The following ERG variants were observed in gnomAD, a reference collection of about 807,000 sequenced individuals.
ERG encodes the protein transcriptional regulator ERG.
ERG carries 9 observed loss-of-function variants against 55.3 expected under a neutral mutation model. That is an observed-to-expected ratio of 0.16 (90% CI 0.10 to 0.28). The LOEUF (loss-of-function observed/expected upper bound fraction) is 0.28. Among genes scored for constraint, ERG ranks in the 10% least tolerant of loss-of-function variants. The probability of loss-of-function intolerance (pLI) is 1.00; values close to 1 mark genes in which losing one functional copy is unlikely to be tolerated. For synonymous variants in ERG, 223 were observed against 237.3 expected (o/e 0.94, Z 0.55); for missense variants, 434 against 631.6 (o/e 0.69, Z 3.35).
chr21:38,514,595 A>G (rs2059537931), intron 2 of ERG, among the ~76,000 whole-genome samples: 1 of 152,004 alleles, frequency 6.6e-6, no homozygotes, highest in African/African-American at 2.4e-5. Flanking sequence ...TATAAATCCT[A>G]CAAATTGATA....
intron 3 of ERG, among the ~76,000 whole-genome samples, chr21:38,406,919 G>C (rs1988800890): frequency 6.6e-6 from 1 of 152,108 alleles, no homozygotes; most frequent in Non-Finnish European, 1.5e-5. Flanking sequence ...TCAGGTGCAA[G>C]ACCCCAGAGA....
intron 1 of ERG, among the ~76,000 whole-genome samples, chr21:38,462,264 T>C (rs1008556704): frequency 6.6e-6 from 1 of 152,246 alleles, no homozygotes; most frequent in Non-Finnish European, 1.5e-5. Context: ...ATTACAGTCA[T>C]GAGCCACTGC....
intron 1 of ERG, among the ~76,000 whole-genome samples, chr21:38,656,975 C>T (rs1540015): frequency 0.82 from 124,368 of 152,036 alleles, 51,329 homozygotes; most frequent in African/African-American, 0.94. Flanking sequence ...AAAGCAGGTA[C>T]AAAAATCTCA....
At chr21:38,564,423 T>C (rs1450566075) in intron 2 of ERG, among the ~76,000 whole-genome samples, 1 of 152,046 alleles carries the variant, frequency 6.6e-6, no homozygotes, top group Non-Finnish European at 1.5e-5. Flanking sequence ...AATTAATAGG[T>C]AGAATAATCA....
At chr21:38,609,967 A>T (rs1030473570) in intron 1 of ERG, among the ~76,000 whole-genome samples, 9 of 152,224 alleles carry the variant, frequency 5.9e-5, no homozygotes, top group African/African-American at 2.2e-4. Flanking sequence ...AAATAAATAG[A>T]ATTAAAGGAG....
intron 2 of ERG, among the ~76,000 whole-genome samples, chr21:38,564,950 A>G (rs1255661908): frequency 2.0e-5 from 3 of 152,118 alleles, no homozygotes; most frequent in South Asian, 2.1e-4. Flanking sequence ...CAACCTCTCA[A>G]CATCACAATT....
chr21:38,582,319 G>A (rs2060035314), intron 1 of ERG, among the ~76,000 whole-genome samples: 1 of 152,170 alleles, frequency 6.6e-6, no homozygotes, highest in African/African-American at 2.4e-5. Flanking sequence ...GTGTTGGGGA[G>A]CTCAGCCCTT....
intron 2 of ERG, among the ~76,000 whole-genome samples, chr21:38,517,154 A>G (rs1428801184): frequency 6.6e-6 from 1 of 152,146 alleles, no homozygotes; most frequent in Non-Finnish European, 1.5e-5. Flanking sequence ...AAGGAAAGAA[A>G]ACAACCAGCA....
chr21:38,454,806 C>T (rs2058972530), intron 1 of ERG, among the ~76,000 whole-genome samples: 5 of 152,152 alleles, frequency 3.3e-5, no homozygotes, highest in Admixed American at 3.3e-4. Context: ...TTTGTAAGTA[C>T]TGGATTTTCA....
chr21:38,582,882 G>T (rs1182903618), intron 1 of ERG, among the ~76,000 whole-genome samples: 1 of 152,138 alleles, frequency 6.6e-6, no homozygotes, highest in Non-Finnish European at 1.5e-5. Flanking sequence ...GAGCAGCTGG[G>T]ATTACAGGCA....
chr21:38,526,222 G>C (rs980095013), intron 2 of ERG, among the ~76,000 whole-genome samples: 2 of 152,160 alleles, frequency 1.3e-5, no homozygotes, highest in African/African-American at 4.8e-5. Context: ...TCCATGAGTG[G>C]ACTAAATTCT....
chr21:38,594,238 C>T (rs1038349763), intron 1 of ERG, among the ~76,000 whole-genome samples: 4 of 152,160 alleles, frequency 2.6e-5, no homozygotes, highest in Admixed American at 1.3e-4. Flanking sequence ...ACAAAGATCA[C>T]CTCATTTGTA....
intron 1 of ERG, among the ~76,000 whole-genome samples, chr21:38,491,465 C>T (rs925605932): frequency 2.0e-5 from 3 of 152,124 alleles, no homozygotes; most frequent in Admixed American, 6.6e-5. Flanking sequence ...TGCAAGAGTG[C>T]GGGATCTTTG....
At chr21:38,607,666 A>C (rs2060204471) in intron 1 of ERG, among the ~76,000 whole-genome samples, 1 of 152,170 alleles carries the variant, frequency 6.6e-6, no homozygotes, top group South Asian at 2.1e-4. Flanking sequence ...GTAAACAAAG[A>C]CAATTATGAG....
intron 1 of ERG, among the ~76,000 whole-genome samples, chr21:38,618,651 A>T (rs2060272785): frequency 6.6e-6 from 1 of 152,202 alleles, no homozygotes; most frequent in African/African-American, 2.4e-5. Flanking sequence ...TTTGTAGGTA[A>T]TGTAGCCATT....
chr21:38,580,138 TA>T (rs1343741288), intron 1 of ERG, among the ~76,000 whole-genome samples: 2 of 151,760 alleles, frequency 1.3e-5, no homozygotes, highest in Non-Finnish European at 2.9e-5. Context: ...GTATTTTTAG[TA>T]GAGACGGGGT....
intron 1 of ERG, among the ~76,000 whole-genome samples, chr21:38,495,371 C>A (rs909327914): frequency 8.5e-5 from 13 of 152,232 alleles, no homozygotes; most frequent in African/African-American, 2.9e-4. Context: ...CTTCTTTAGG[C>A]AAGTCATGGA....
chr21:38,632,612 GCT>G (rs961977500), intron 1 of ERG, among the ~76,000 whole-genome samples: 1 of 151,762 alleles, frequency 6.6e-6, no homozygotes. Context: ...CCCTGCACAT[GCT>G]CTCTCTCTCT....
intron 2 of ERG, among the ~76,000 whole-genome samples, chr21:38,533,114 A>G (rs2836476): frequency 0.38 from 57,958 of 152,022 alleles, 12,526 homozygotes; most frequent in Non-Finnish European, 0.49. Flanking sequence ...TTGCACAAGA[A>G]TTATTAGAAC....
Sources: allele counts gnomAD v4.1 joint callset (sites outside exome capture counted in the v4.1 genomes callset), GRCh38; gene constraint gnomAD v4.1.1; transcripts MANE v1.5; gene names NCBI Gene and HGNC (gene_info 2026-07-23, HGNC 2026-07-21).